The following PIN4 variants were observed in gnomAD, a reference collection of about 807,000 sequenced individuals.
PIN4 encodes the protein peptidylprolyl cis/trans isomerase, NIMA-interacting 4, also known as peptidyl-prolyl cis-trans isomerase NIMA-interacting 4.
In PIN4, 3 loss-of-function variants were observed where a neutral mutation model predicts 8.3. The observed-to-expected ratio is 0.36, with a 90% CI of 0.16 to 0.93. PIN4 has a LOEUF of 0.93. PIN4 is among the 40% of genes least tolerant of loss of function. PIN4 has a pLI of 0.44. For missense variants in PIN4, 75 were observed against 100.6 expected, an observed-to-expected ratio of 0.75 and a Z score of 1.09; for synonymous variants, 18 against 32.5, an observed-to-expected ratio of 0.55 and a Z score of 1.52.
At chrX:72,206,613 C>T (rs767261847) in intron 3 of PIN4, 1 of 1,211,450 alleles carries the variant, frequency 8.3e-7, no homozygotes, top group South Asian at 1.8e-5. Flanking sequence ...GTTGTTCCAT[C>T]AGGAACTCTT....
At chrX:72,193,913 GAAGA>G (rs893347896) in intron 2 of PIN4, among the ~76,000 whole-genome samples, 1 of 110,513 alleles carries the variant, frequency 9.0e-6, no homozygotes, top group African/African-American at 3.3e-5. Context: ...ATAAGGATAT[GAAGA>G]AAGAAAATAG....
At chrX:72,210,248 G>A (rs1373391768) in intron 3 of PIN4, among the ~76,000 whole-genome samples, 1 of 100,229 alleles carries the variant, frequency 1.0e-5, no homozygotes. Context: ...TAAATAAATG[G>A]AAAAAAGATA....
intron 3 of PIN4, among the ~76,000 whole-genome samples, chrX:72,251,854 G>A (rs1248520219): frequency 2.7e-5 from 3 of 111,060 alleles, no homozygotes; most frequent in Non-Finnish European, 3.8e-5. Context: ...ACTTGAGTCC[G>A]GGAGTTCGGG....
At chrX:72,206,496 A>G (rs1291558114) in intron 3 of PIN4, 1 of 1,211,593 alleles carries the variant, frequency 8.3e-7, no homozygotes, top group Admixed American at 2.2e-5. Context: ...GAGTACTTAG[A>G]AGAGGTGAAG....
At chrX:72,195,118 G>A (rs1354950452) in intron 2 of PIN4, among the ~76,000 whole-genome samples, 5 of 112,266 alleles carry the variant, frequency 4.5e-5, no homozygotes, top group Admixed American at 3.8e-4. Flanking sequence ...TAAGTGACGC[G>A]TGACTATAAG....
At chrX:72,223,492 C>T (rs751549590) in intron 3 of PIN4, among the ~76,000 whole-genome samples, 5 of 106,864 alleles carry the variant, frequency 4.7e-5, no homozygotes, top group South Asian at 4.3e-4. Context: ...CAGGTTCAAG[C>T]GATTCTCCTG....
chrX:72,197,259 G>A lies in PIN4; in HGVS notation c.238-109G>A, dbSNP rs767009434. The A allele has an allele frequency of 1.1e-4, 77 of 677,594 alleles. No individual in the cohort carries two copies. In the East Asian group the frequency reaches 2.4e-3, roughly 21 times the overall value. The allele number at this position is 677,594 out of a possible 1,213,427, so 55.8% of individuals were successfully genotyped here. ...TGAGCCTATTCCTGTATTGCTCTTA[G>A]GAATATACCTCGTAACCTTAGCAAA... On this transcript the variant is annotated intron_variant, in intron 3 of 3. Coordinates refer to ENST00000373669, the MANE Select transcript of PIN4 (RefSeq NM_006223.4).
At chrX:72,194,356 G>A (rs1226138368) in intron 2 of PIN4, among the ~76,000 whole-genome samples, 1 of 111,782 alleles carries the variant, frequency 8.9e-6, no homozygotes, top group African/African-American at 3.3e-5. Context: ...CCAACATGGC[G>A]AAACCATCTC....
upstream of PIN4, chrX:72,181,688 G>A: frequency 2.3e-6 from 2 of 880,434 alleles, no homozygotes; most frequent in Non-Finnish European, 1.7e-6. Context: ...TTGAGATGCG[G>A]CTTTCAGGCA....
In PIN4 at chrX:72,191,938, C is replaced by T. The variant is rs58755233; in HGVS notation, c.118-4847C>T. On this transcript the variant is annotated intron_variant, in intron 2 of 3. Transcript: ENST00000373669. ...AATATGCCCAGGGACCTTTAAAATT[C>T]GTGGGTTTTTTTGTTTTTGTTTTTG... 3.6e-3 allele frequency among the ~76,000 whole-genome samples: 394 copies of T among 108,901 alleles called. 5 individuals are homozygous for T. Among genetic ancestry groups the T allele is most frequent in the African/African-American group, 0.013 (377 of 29,649 alleles). The allele number at this position is 108,901 out of a possible 115,157, so 94.6% of individuals were successfully genotyped here. A position where few individuals can be genotyped will look rare whatever the true frequency, so the allele number is the denominator to read the frequency against.
chrX:72,197,000 A>G (rs1602431398), intron 3 of PIN4, 96 bp downstream of exon 3: 2 of 758,214 alleles, frequency 2.6e-6, no homozygotes, highest in East Asian at 6.9e-5. Context: ...TCCATCCTCC[A>G]CAGAAGAAAC....
intron 3 of PIN4, among the ~76,000 whole-genome samples, chrX:72,231,937 AGT>A (rs754492672): frequency 1.8e-5 from 2 of 110,913 alleles, no homozygotes; most frequent in Non-Finnish European, 3.8e-5. Context: ...AAACTGGTCA[AGT>A]GCAATGGCTC....
rs894359759 is a variant in PIN4, at chrX:72,191,641, G to A, written c.117+5107G>A. Among the ~76,000 whole-genome samples, 4 of 112,056 alleles carry A rather than the reference G, an allele frequency of 3.6e-5. No homozygotes were observed. The East Asian group carries it at 8.4e-4, about 24-fold the overall frequency. On this transcript the variant is annotated intron_variant, in intron 2 of 3. Coordinates refer to ENST00000373669, the MANE Select transcript of PIN4 (RefSeq NM_006223.4). ...AGAAACACTCATCTAGTCTCACAGC[G>A]TTAGTGTGAGGATTTAATGAGATAA...
chrX:72,232,273 TAAAAAAAA>T (rs56070381), intron 3 of PIN4, among the ~76,000 whole-genome samples: 2 of 61,435 alleles, frequency 3.3e-5, no homozygotes, highest in Admixed American at 2.0e-4. Context: ...GAAGGAGTAT[TAAAAAAAA>T]AAAAAAAAAA....
intron 3 of PIN4, 177 bp from the exon 4 acceptor site, chrX:72,197,191 T>G (rs1432119010): frequency 2.2e-6 from 1 of 464,172 alleles, no homozygotes; most frequent in African/African-American, 2.4e-5. Flanking sequence ...AGAGTACTTA[T>G]GTGTTCAGTC....
chrX:72,239,312 C>G, intron 3 of PIN4, among the ~76,000 whole-genome samples: 1 of 111,808 alleles, frequency 8.9e-6, no homozygotes, highest in Non-Finnish European at 1.9e-5. Flanking sequence ...CGATATGATC[C>G]CAGTCATTGC....
intron 3 of PIN4, chrX:72,208,064 TTTTTA>T: frequency 8.3e-7 from 1 of 1,211,351 alleles, no homozygotes; most frequent in Non-Finnish European, 1.1e-6. Flanking sequence ...GTAGATGAGG[TTTTTA>T]TTTTATGTGC....
At chrX:72,259,726 T>C (rs979692281) in intron 3 of PIN4, among the ~76,000 whole-genome samples, 98 of 72,139 alleles carry the variant, frequency 1.4e-3, no homozygotes, top group African/African-American at 5.3e-3. Flanking sequence ...GCCATATCCT[T>C]TTTTTTTTTT....
At chrX:72,218,217 T>C (rs1453316445) in intron 3 of PIN4, among the ~76,000 whole-genome samples, 4 of 103,074 alleles carry the variant, frequency 3.9e-5, no homozygotes, top group Non-Finnish European at 5.9e-5. Context: ...TTGCAGTGAG[T>C]CAAGATCGCA....
Sources: gnomAD v4.1 joint callset for allele counts (sites outside exome capture counted in the v4.1 genomes callset) on GRCh38, gnomAD v4.1.1 for gene constraint, MANE v1.5 for transcripts, NCBI Gene and HGNC (gene_info 2026-07-23, HGNC 2026-07-21) for gene names.